CAPN2: variants seen among roughly 807,000 people sequenced by gnomAD.
The protein encoded by CAPN2 is calpain-2 catalytic subunit.
Under a neutral mutation model 102.3 loss-of-function variants are expected in CAPN2, and 92 were observed. That is an observed-to-expected ratio of 0.90 (90% CI 0.76 to 1.07). The LOEUF (loss-of-function observed/expected upper bound fraction) is 1.07, where lower values mean the gene tolerates loss of function less well. Among genes scored for constraint, CAPN2 ranks in the 50% least tolerant of loss-of-function variants. The pLI is 0.00. For missense variants in CAPN2, 800 were observed against 909.4 expected, an observed-to-expected ratio of 0.88 and a Z score of 1.55; for synonymous variants, 340 against 355.4, an observed-to-expected ratio of 0.96 and a Z score of 0.49.
Position 223,731,154 on chromosome 1 carries a change from G to A in CAPN2, c.308-12946G>A, listed in dbSNP as rs118111252. Among the ~76,000 whole-genome samples, 41 of 152,266 alleles carry A rather than the reference G, an allele frequency of 2.7e-4. No individual in the cohort carries two copies. The East Asian group carries it at 7.3e-3, about 27-fold the overall frequency. Reference sequence around the variant, plus strand: ...TTAAGGAGGGAGAGTTGGAAGGAAGGTTTCCCACAAAGAGGAAGCAGGGAG... The same window carrying A: ...TTAAGGAGGGAGAGTTGGAAGGAAGATTTCCCACAAAGAGGAAGCAGGGAG... On this transcript the variant is annotated intron_variant, in intron 2 of 20. Coordinates refer to ENST00000295006, the MANE Select transcript of CAPN2 (RefSeq NM_001748.5). This position sits in a 1 kb window ranked among gnomAD's most constrained non-coding sequence, Gnocchi z 4.2.
At chr1:223,742,914 G>T (rs1278006952) in intron 2 of CAPN2, among the ~76,000 whole-genome samples, 1 of 152,156 alleles carries the variant, frequency 6.6e-6, no homozygotes. Flanking sequence ...ATTGTCATGG[G>T]AAATTGTAGG....
chr1:223,774,740 A>C, intron 20 of CAPN2, 94 bp from the exon 21 acceptor site: 1 of 1,102,228 alleles, frequency 9.1e-7, no homozygotes, highest in Non-Finnish European at 1.4e-6. Flanking sequence ...CAGCTTTTCC[A>C]GTACAAGTTT....
chr1:223,752,376 C>G (rs746098725), intron 8 of CAPN2, among the ~76,000 whole-genome samples: 1 of 152,198 alleles, frequency 6.6e-6, no homozygotes, highest in Admixed American at 6.5e-5. Flanking sequence ...GCCTTTCTCC[C>G]CCAGGTTCCG....
chr1:223,745,573 C>A, intron 4 of CAPN2, 134 bp downstream of exon 4: 1 of 880,602 alleles, frequency 1.1e-6, no homozygotes, highest in East Asian at 2.5e-5. Context: ...GAGTTCGAGA[C>A]CAGCCTGGCC....
intron 15 of CAPN2, among the ~76,000 whole-genome samples, chr1:223,765,214 C>A (rs540024668): frequency 6.6e-6 from 1 of 152,296 alleles, no homozygotes; most frequent in East Asian, 1.9e-4. Flanking sequence ...TGGCCTCTAG[C>A]CTAACTCCAT....
At chr1:223,748,250 C>T (rs560774927) in intron 5 of CAPN2, among the ~76,000 whole-genome samples, 1 of 152,324 alleles carries the variant, frequency 6.6e-6, no homozygotes, top group Non-Finnish European at 1.5e-5. Flanking sequence ...GGAGCAAAGG[C>T]TGTGCCCAAC....
At chr1:223,760,177 A>G (rs1303197085) in intron 12 of CAPN2, among the ~76,000 whole-genome samples, 2 of 152,198 alleles carry the variant, frequency 1.3e-5, no homozygotes, top group Non-Finnish European at 2.9e-5. Flanking sequence ...GAGACTCCAG[A>G]ACTGATGGGA....
In CAPN2 at chr1:223,751,000, C is replaced by T. The variant is rs1465062345; in HGVS notation, c.899+25C>T. 4 of 1,541,164 alleles carry T rather than the reference C, an allele frequency of 2.6e-6. No homozygotes were observed. In the South Asian group the frequency reaches 3.6e-5, roughly 14 times the overall value. On this transcript the variant is annotated intron_variant, in intron 7 of 20. Coordinates refer to ENST00000295006, the MANE Select transcript of CAPN2 (RefSeq NM_001748.5). ...AGTGAGGAGGGCGCAGGCCTCGGGG[C>T]CCCAGGCGGGGGTGCATTGTGCTGG... is the stretch of plus-strand genomic sequence containing the variant.
intron 2 of CAPN2, among the ~76,000 whole-genome samples, chr1:223,741,114 G>A (rs1386184916): frequency 6.6e-6 from 1 of 152,098 alleles, no homozygotes; most frequent in Non-Finnish European, 1.5e-5. Context: ...CTTTTAGCTC[G>A]GGGCCTGGCA....
At position 223,747,068 on chromosome 1, in the gene CAPN2, T is replaced by C; in HGVS notation, c.632T>C (p.Ile211Thr). 1 of 1,614,094 alleles carries C rather than the reference T, an allele frequency of 6.2e-7. No homozygotes were observed. The highest frequency in any genetic ancestry group is 8.5e-7 in the Non-Finnish European group (1 of 1,179,986). The change falls in exon 5 of 21, where the codon ATT becomes ACT. Residue 211 changes from isoleucine to threonine, a missense_variant. Coordinates refer to ENST00000295006, the MANE Select transcript of CAPN2 (RefSeq NM_001748.5). ...GGCTTCGAAGACTTCACCGGAGGCA[T>C]TGCTGAGTGGTATGAGTTGAAGAAG... Reference protein sequence around the residue: ...TEGFEDFTGGIAEWYELKKPP... With the variant: ...TEGFEDFTGGTAEWYELKKPP...
chr1:223,772,848 A>T (rs914150349), intron 20 of CAPN2: 3 of 152,260 alleles, frequency 2.0e-5, no homozygotes, highest in African/African-American at 7.2e-5. Flanking sequence ...TTCTCGTGTC[A>T]TCCCAATGAC....
At chr1:223,718,025 G>A (rs1333896043) in intron 2 of CAPN2, among the ~76,000 whole-genome samples, 194 bp downstream of exon 2, 1 of 152,238 alleles carries the variant, frequency 6.6e-6, no homozygotes, top group South Asian at 2.1e-4. Flanking sequence ...GCACACAAAT[G>A]AGGCCTCCTG....
intron 1 of CAPN2, among the ~76,000 whole-genome samples, chr1:223,713,968 C>T (rs1171328647): frequency 2.0e-5 from 3 of 152,204 alleles, no homozygotes; most frequent in South Asian, 2.1e-4. Flanking sequence ...TAGGCCCTGC[C>T]GTCATGGCCT....
At chr1:223,738,152 A>T (rs1276099874) in intron 2 of CAPN2, among the ~76,000 whole-genome samples, 1 of 151,918 alleles carries the variant, frequency 6.6e-6, no homozygotes, top group Non-Finnish European at 1.5e-5. Context: ...TTTTAATCTT[A>T]TTACCTTTTT....
At chr1:223,761,302 T>C (rs1232713487) in intron 12 of CAPN2, among the ~76,000 whole-genome samples, 9 of 152,224 alleles carry the variant, frequency 5.9e-5, no homozygotes, top group Non-Finnish European at 1.3e-4. Context: ...TTCAGATCAC[T>C]TCTGCCTTTA....
Position 223,725,554 on chromosome 1 carries a change from G to A in CAPN2, c.307+7723G>A, listed in dbSNP as rs1345995475. Among the ~76,000 whole-genome samples the A allele has an allele frequency of 2.0e-5, 3 of 152,280 alleles. No individual in the cohort carries two copies. The highest frequency in any genetic ancestry group is 2.1e-4 in the South Asian group (1 of 4,818). On this transcript the variant is annotated intron_variant, in intron 2 of 20. Transcript: ENST00000295006. The surrounding 1 kb of genome is among the most constrained non-coding windows in gnomAD (Gnocchi z 4.1). ...GAGGGGAGTACTGTCAAATGAGGTC[G>A]CGTCGCTGAGGTGGAGACACATTGT...
intron 2 of CAPN2, among the ~76,000 whole-genome samples, chr1:223,741,421 GTATATATATATATAATGTGTATATATA>G (rs1187087164): frequency 2.0e-4 from 26 of 128,468 alleles, no homozygotes; most frequent in African/African-American, 2.9e-4. Flanking sequence ...GCTGTAAAAT[GTATATATATATATAATGTGTATATATA>G]TATATATATA....
intron 2 of CAPN2, among the ~76,000 whole-genome samples, chr1:223,733,008 G>A (rs1032832968): frequency 6.6e-6 from 1 of 152,140 alleles, no homozygotes; most frequent in African/African-American, 2.4e-5. Context: ...TATTTCCTGG[G>A]GGTTGCTCTG....
chr1:223,758,966 C>T (rs983381874), intron 11 of CAPN2: 21 of 389,014 alleles, frequency 5.4e-5, no homozygotes, highest in Non-Finnish European at 8.8e-5. Flanking sequence ...GCTGGTATTA[C>T]AGGCGTGAGC....
Sources: gnomAD v4.1 joint callset for allele counts (sites outside exome capture counted in the v4.1 genomes callset) on GRCh38, gnomAD v4.1.1 for gene constraint, Gnocchi (gnomAD v3.1) non-coding constraint, MANE v1.5 for transcripts, NCBI Gene and HGNC (gene_info 2026-07-23, HGNC 2026-07-21) for gene names.